Variants in SETD2 observed in about 807,000 individuals in gnomAD.
SETD2 encodes SET domain containing 2, histone lysine methyltransferase, also known as histone-lysine N-methyltransferase SETD2.
Under a neutral mutation model 242.1 loss-of-function variants are expected in SETD2, and 31 were observed. The observed-to-expected ratio is 0.13, with a 90% CI of 0.10 to 0.17. The LOEUF is 0.17. SETD2 is among the 10% of genes least tolerant of loss of function. SETD2 has a pLI of 1.00. For synonymous variants in SETD2, 1,006 were observed against 1,066.5 expected (o/e 0.94, Z 1.11); for missense variants, 2,481 against 3,046.3 (o/e 0.81, Z 4.37).
In SETD2 at chr3:47,120,653, G is replaced by A. The variant is rs2107744272; in HGVS notation, c.3983C>T (p.Pro1328Leu). Reference sequence around the variant, plus strand: ...TTCACGATCATCTGTTAGGGAATCTGGTACTTGTCCTTGAGTTCGATCATA... The same window carrying A: ...TTCACGATCATCTGTTAGGGAATCTAGTACTTGTCCTTGAGTTCGATCATA... ...VVYDRTQGQV[P>L]DSLTDDREEE... The change falls in exon 3 of 21, where the codon CCA (proline) becomes CTA (leucine). Residue 1328 changes from proline (P) to leucine (L), a missense_variant. Transcript: ENST00000409792. 1 of 1,614,032 alleles carries A rather than the reference G, an allele frequency of 6.2e-7. No individual in the cohort carries two copies. The highest frequency in any genetic ancestry group is 8.5e-7 in the Non-Finnish European group (1 of 1,180,020).
chr3:47,091,876 C>T (rs1462818635), intron 9 of SETD2, among the ~76,000 whole-genome samples: 1 of 151,938 alleles, frequency 6.6e-6, no homozygotes, highest in Non-Finnish European at 1.5e-5. Flanking sequence ...ACTTGGGAGG[C>T]GGAGGTTGCA....
In SETD2 at chr3:47,122,212, T is replaced by C. The variant is rs1246149226; in HGVS notation, c.2424A>G (p.Glu808=). 1 of 1,614,134 alleles carries C rather than the reference T, an allele frequency of 6.2e-7. No homozygotes were observed. Among genetic ancestry groups the C allele is most frequent in the Non-Finnish European group, 8.5e-7 (1 of 1,179,986 alleles). Residue 808 remains glutamate, a synonymous_variant, in exon 3 of 21, where the codon GAA becomes GAG. Coordinates refer to ENST00000409792, the MANE Select transcript of SETD2 (RefSeq NM_014159.7). ...NDSNPSLCNS[E]AENIEPSVMK... is the part of the protein sequence containing the mutation. ...TAACTGAAGGCTCAATATTTTCAGC[T>C]TCAGAGTTACACAAAGAAGGGTTGC...
chr3:47,104,267 C>A (rs1363796022), intron 6 of SETD2, among the ~76,000 whole-genome samples: 1 of 151,798 alleles, frequency 6.6e-6, no homozygotes, highest in African/African-American at 2.4e-5. Flanking sequence ...CAAGGCCAGG[C>A]ACAGTGGTTT....
chr3:47,097,009 T>C (rs902887745), intron 9 of SETD2, among the ~76,000 whole-genome samples: 1 of 152,190 alleles, frequency 6.6e-6, no homozygotes, highest in Admixed American at 6.5e-5. Context: ...TTGTGCTCAA[T>C]TGATGTTACC....
chr3:47,071,455 T>A (rs71328916), intron 12 of SETD2, among the ~76,000 whole-genome samples: 2,383 of 152,306 alleles, frequency 0.016, 34 homozygotes, highest in Middle Eastern at 0.031. Context: ...CAGTGCTACA[T>A]AAACTCAAAA....
At chr3:47,107,353 T>C (rs1190878787) in intron 5 of SETD2, among the ~76,000 whole-genome samples, 2 of 152,022 alleles carry the variant, frequency 1.3e-5, no homozygotes, top group Non-Finnish European at 2.9e-5. Context: ...CTGAAAAAAA[T>C]TAAATCCTTT....
At chr3:47,128,186 T>C (rs2043390931) in intron 1 of SETD2, among the ~76,000 whole-genome samples, 1 of 152,250 alleles carries the variant, frequency 6.6e-6, no homozygotes, top group Non-Finnish European at 1.5e-5. Flanking sequence ...TCAATCGTTT[T>C]TGGTATCTGT....
chr3:47,097,925 G>C (rs746890697), intron 9 of SETD2, 30 bp downstream of exon 9: 96 of 1,606,588 alleles, frequency 6.0e-5, no homozygotes, highest in Non-Finnish European at 8.0e-5. Context: ...ATTTTTTATT[G>C]TGAAAGTTGA....
At position 47,062,295 on chromosome 3, in the gene SETD2, G is replaced by C. The variant is rs139016283; in HGVS notation, c.6161C>G (p.Pro2054Arg). ...CTCTCTTGACCTATTAGGAGTCTTC[G>C]GGGCAGGTGTTTGATCTCTGAAGCC... ...AVGFRDQTPA[P>R]KTPNRSRERD... Residue 2054 changes from proline to arginine, a missense_variant, in exon 14 of 21, where the codon CCG becomes CGG. Transcript: ENST00000409792. 5 of 1,613,128 alleles carry C rather than the reference G, an allele frequency of 3.1e-6. No individual in the cohort carries two copies. The South Asian group carries it at 3.3e-5, about 11-fold the overall frequency.
rs373562439 is a variant in SETD2 at position 47,124,432 on chromosome 3, C to A, written c.204G>T (p.Gln68His). The A allele has an allele frequency of 4.5e-6, 7 of 1,551,842 alleles. No homozygotes were observed. In the African/African-American group the frequency reaches 9.6e-5, roughly 21 times the overall value. ...AGCTGAATGACACCTTCTGTCGTCC[C>A]TGTTCTTCCAAATTAACTTTTGTTT... ...GTKTKVNLEE[Q>H]GRQKVSFSFS... is the part of the protein sequence containing the mutation. Residue 68 changes from glutamine (Q) to histidine (H), a missense_variant, in exon 3 of 21, where the codon CAG (glutamine) becomes CAT (histidine). Physicochemically the swap from Gln to His is conservative, Grantham distance 24 (BLOSUM62 0). Around this residue, in one of 17 missense-constraint regions of SETD2, gnomAD observed 334 missense variants for 374.5 expected, o/e 0.89. Transcript: ENST00000409792.
At chr3:47,148,349 C>G (rs2043910801) in intron 1 of SETD2, among the ~76,000 whole-genome samples, 1 of 151,786 alleles carries the variant, frequency 6.6e-6, no homozygotes, top group South Asian at 2.1e-4. Context: ...CAGGCTGGTC[C>G]CAAACTCCTG....
chr3:47,042,105 C>T (rs2039306163), intron 17 of SETD2, among the ~76,000 whole-genome samples: 1 of 152,214 alleles, frequency 6.6e-6, no homozygotes, highest in South Asian at 2.1e-4. Flanking sequence ...TCAATCCCAG[C>T]ACTTTGGGAG....
intron 18 of SETD2, among the ~76,000 whole-genome samples, chr3:47,020,669 C>T (rs993341833): frequency 6.6e-6 from 1 of 152,168 alleles, no homozygotes; most frequent in Admixed American, 6.5e-5. Flanking sequence ...TGTGCTTTTC[C>T]ACGGAAAATA....
intron 18 of SETD2, among the ~76,000 whole-genome samples, chr3:47,027,853 G>A (rs1024502334): frequency 3.7e-4 from 56 of 150,698 alleles, no homozygotes; most frequent in Non-Finnish European, 5.9e-4. Context: ...GTGCAGTGGC[G>A]CGATCTCGGC....
At chr3:47,146,618 C>T (rs949630392) in intron 1 of SETD2, among the ~76,000 whole-genome samples, 10 of 124,534 alleles carry the variant, frequency 8.0e-5, no homozygotes, top group Non-Finnish European at 1.3e-4. Flanking sequence ...CACAGTGAGA[C>T]TCCGTCTAAA....
At position 47,137,281 on chromosome 3, in the gene SETD2, T is replaced by C. The variant is rs543326017; in HGVS notation, c.72-10618A>G. ...GATCTCGACTCACTGCAAACTCCAC[T>C]TCCTGGGTTCAAGCGATTCTCCTGC... On this transcript the variant is annotated intron_variant, in intron 1 of 20. Coordinates refer to ENST00000409792, the MANE Select transcript of SETD2 (RefSeq NM_014159.7). Among the ~76,000 whole-genome samples the C allele has an allele frequency of 1.8e-4, 27 of 152,030 alleles. 1 individual carries two copies. The South Asian group carries it at 5.4e-3, about 30-fold the overall frequency.
At chr3:47,117,261 C>CAAA (rs5848820) in intron 3 of SETD2, among the ~76,000 whole-genome samples, 7 of 66,482 alleles carry the variant, frequency 1.1e-4, no homozygotes, top group African/African-American at 4.8e-4. Flanking sequence ...CCTGCATTAC[C>CAAA]AAAAAAAAAA....
At chr3:47,064,336 C>T (rs1175068068) in intron 13 of SETD2, among the ~76,000 whole-genome samples, 1 of 152,192 alleles carries the variant, frequency 6.6e-6, no homozygotes, top group African/African-American at 2.4e-5. Context: ...ATTTGTACCA[C>T]ATCCGGGTAG....
At chr3:47,155,825 T>C (rs1326983042) in intron 1 of SETD2, among the ~76,000 whole-genome samples, 1 of 152,006 alleles carries the variant, frequency 6.6e-6, no homozygotes, top group Admixed American at 6.6e-5. Context: ...TAAAAAAGTG[T>C]TTTTTTGTTT....
Sources: gnomAD v4.1 joint callset for allele counts (sites outside exome capture counted in the v4.1 genomes callset) on GRCh38, gnomAD v4.1.1 for gene constraint, gnomAD v4.1.1 regional missense constraint, MANE v1.5 for transcripts, NCBI Gene and HGNC (gene_info 2026-07-23, HGNC 2026-07-21) for gene names.